ATP7B: variants seen among roughly 807,000 people sequenced by gnomAD.
The protein encoded by ATP7B is copper-transporting ATPase 2.
Under a neutral mutation model 118.9 loss-of-function variants are expected in ATP7B, and 113 were observed. That is an observed-to-expected ratio of 0.95 (90% confidence interval 0.82 to 1.11). The LOEUF (loss-of-function observed/expected upper bound fraction) is 1.11, where lower values mean the gene tolerates loss of function less well. Ranked by LOEUF, ATP7B falls within the 50% of genes most tolerant of loss-of-function variation. The probability of loss-of-function intolerance (pLI) is 0.00; values close to 1 mark genes in which losing one functional copy is unlikely to be tolerated. For missense variants in ATP7B, 1,867 were observed against 1,871.4 expected, an observed-to-expected ratio of 1.00 and a Z score of 0.04; for synonymous variants, 777 against 727.4, an observed-to-expected ratio of 1.07 and a Z score of -1.10.
intron 13 of ATP7B, 106 bp from the exon 14 acceptor site, chr13:51,944,397 A>C: frequency 1.5e-6 from 2 of 1,362,460 alleles, no homozygotes; most frequent in South Asian, 2.4e-5. Flanking sequence ...ACAGGAAACA[A>C]GACACCTGCA....
intron 9 of ATP7B, among the ~76,000 whole-genome samples, chr13:51,951,822 G>A: frequency 6.6e-6 from 1 of 152,138 alleles, no homozygotes; most frequent in Admixed American, 6.5e-5. Context: ...CAGTGACTGT[G>A]AGTTACACAT....
intron 1 of ATP7B, among the ~76,000 whole-genome samples, chr13:52,004,601 CTTA>C (rs757754782): frequency 6.6e-6 from 1 of 152,144 alleles, no homozygotes; most frequent in Non-Finnish European, 1.5e-5. Context: ...TTTTTTATTC[CTTA>C]TTTTTATTTT....
In ATP7B at chr13:51,935,523, T is replaced by C. The variant is rs1956906128; in HGVS notation, c.4124+70A>G. 3.4e-6 allele frequency: 5 copies of C among 1,470,024 alleles called. No homozygotes were observed. In the South Asian group the frequency reaches 4.8e-5, roughly 14 times the overall value. 91.1% of individuals were successfully genotyped at this position (1,470,024 alleles called of 1,614,324 possible). A position where few individuals can be genotyped will look rare whatever the true frequency, so the allele number is the denominator to read the frequency against. On this transcript the variant is annotated intron_variant, in intron 20 of 20. Transcript: ENST00000242839. Reference sequence around the variant, plus strand: ...ATGGGAAATGAGAGGCAAGTTCCACTGTGCTAAGCATGCAGAATGACAAGG... The same window carrying C: ...ATGGGAAATGAGAGGCAAGTTCCACCGTGCTAAGCATGCAGAATGACAAGG...
At chr13:51,949,942 C>T in intron 11 of ATP7B, 65 bp downstream of exon 11, 1 of 1,613,130 alleles carries the variant, frequency 6.2e-7, no homozygotes, top group Non-Finnish European at 8.5e-7. Context: ...TCTGATTTCC[C>T]AGAACTCTTC....
At chr13:51,960,367 T>C in intron 6 of ATP7B, 45 bp from the exon 7 acceptor site, 1 of 1,594,190 alleles carries the variant, frequency 6.3e-7, no homozygotes, top group South Asian at 1.1e-5. Context: ...ATGCTGCTTG[T>C]CACCTGGATT....
At chr13:51,979,455 A>G (rs1338384105) in intron 1 of ATP7B, among the ~76,000 whole-genome samples, 2 of 152,232 alleles carry the variant, frequency 1.3e-5, no homozygotes, top group Non-Finnish European at 2.9e-5. Flanking sequence ...TAACTGTACA[A>G]TACACACATT....
At position 51,960,184 on chromosome 13, in the gene ATP7B, T is replaced by C; in HGVS notation, c.2085A>G (p.Leu695=). The change falls in exon 7 of 21, where the codon CTA becomes CTG. Residue 695 remains leucine (L), a synonymous_variant. Coordinates refer to ENST00000242839, the MANE Select transcript of ATP7B (RefSeq NM_000053.4). ...DHNIIPGLSI[L]NLIFFILCTF... ...TACACAAGATAAAGAAGATGAGATTTAGAATGGACAGTCCTGGAATGATGT... is the reference window on the plus strand; with the variant it reads ...TACACAAGATAAAGAAGATGAGATTCAGAATGGACAGTCCTGGAATGATGT... The C allele has an allele frequency of 6.2e-7, 1 of 1,613,990 alleles. No individual in the cohort carries two copies. The highest frequency in any genetic ancestry group is 8.5e-7 in the Non-Finnish European group (1 of 1,179,858).
intron 1 of ATP7B, among the ~76,000 whole-genome samples, chr13:52,008,963 C>T (rs1953901100): frequency 6.6e-6 from 1 of 152,162 alleles, no homozygotes; most frequent in Non-Finnish European, 1.5e-5. Context: ...TAGCCTCAAA[C>T]TCCTGGGCTC....
chr13:51,956,007 A>C (rs1247252754), intron 9 of ATP7B, among the ~76,000 whole-genome samples: 1 of 152,182 alleles, frequency 6.6e-6, no homozygotes, highest in Non-Finnish European at 1.5e-5. Flanking sequence ...TTTCCTGAGG[A>C]AAGCTGGGAT....
chr13:51,960,600 G>A (rs574745606), intron 6 of ATP7B, among the ~76,000 whole-genome samples: 1 of 152,294 alleles, frequency 6.6e-6, no homozygotes. Context: ...TACGGGTGAG[G>A]CAAGTGAGGC....
In ATP7B at chr13:51,974,052, T is replaced by C. The variant is rs770903362; in HGVS notation, c.1168A>G (p.Ile390Val). The C allele has an allele frequency of 1.4e-5, 23 of 1,614,072 alleles. No homozygotes were observed. Among genetic ancestry groups the C allele is most frequent in the East Asian group, 6.7e-5 (3 of 44,886 alleles). The change falls in exon 2 of 21, where the codon ATA becomes GTA. Residue 390 changes from isoleucine to valine, a missense_variant. Transcript: ENST00000242839. Reference sequence around the variant, plus strand: ...GTCCCTTCGGCCAAAGACACCGATATTTGCTGCACCCCTTCCAGTTGGGAG... The same window carrying C: ...GTCCCTTCGGCCAAAGACACCGATACTTGCTGCACCCCTTCCAGTTGGGAG... ...MISQLEGVQQ[I>V]SVSLAEGTAT...
chr13:52,011,539 C>A (rs373464885), upstream of ATP7B: 1 of 672,894 alleles, frequency 1.5e-6, no homozygotes, highest in South Asian at 1.7e-5. Flanking sequence ...CCTCTTCACA[C>A]GGATGATTCA....
chr13:51,991,197 C>T (rs1016671454), intron 1 of ATP7B, among the ~76,000 whole-genome samples: 4 of 152,138 alleles, frequency 2.6e-5, no homozygotes, highest in African/African-American at 9.7e-5. Flanking sequence ...TTATAGTCAC[C>T]ATCAGTTCAA....
At chr13:51,983,876 A>G (rs1449710886) in intron 1 of ATP7B, among the ~76,000 whole-genome samples, 1 of 152,152 alleles carries the variant, frequency 6.6e-6, no homozygotes, top group Non-Finnish European at 1.5e-5. Flanking sequence ...TATCAACAAA[A>G]AGGACGTCCA....
upstream of ATP7B, among the ~76,000 whole-genome samples, chr13:52,011,739 G>A (rs931047536): frequency 1.2e-4 from 19 of 152,254 alleles, no homozygotes; most frequent in Admixed American, 3.3e-4. Context: ...CGGCGCCGCA[G>A]GGCGGAGGCC....
Position 51,974,793 on chromosome 13 carries a change from C to A in ATP7B, c.427G>T (p.Ala143Ser), listed in dbSNP as rs1356150929. 1 of 1,614,114 alleles carries A rather than the reference C, an allele frequency of 6.2e-7. No homozygotes were observed. The highest frequency in any genetic ancestry group is 1.3e-5 in the African/African-American group (1 of 74,934). Reference protein sequence around the residue: ...WPSRSLPAQEAVVKLRVEGMT... With the variant: ...WPSRSLPAQESVVKLRVEGMT... ...CCCTCCACCCGGAGCTTGACCACAG[C>A]CTCCTGGGCAGGCAAGGACCTTGAG... Residue 143 changes from alanine (A) to serine (S), a missense_variant, in exon 2 of 21, where the codon GCT becomes TCT. Ala to Ser is a moderately conservative substitution (Grantham distance 99). Transcript: ENST00000242839.
Position 51,953,851 on chromosome 13 carries a change from T to TAAAA in ATP7B, c.2448-3456_2448-3453dup, listed in dbSNP as rs561139788. 1.0e-3 allele frequency among the ~76,000 whole-genome samples: 99 copies of TAAAA among 94,372 alleles called. 5 individuals are homozygous for TAAAA. The highest frequency in any genetic ancestry group is 4.4e-3 in the South Asian group (12 of 2,700). 61.9% of individuals were successfully genotyped at this position (94,372 alleles called of 152,430 possible). A position where few individuals can be genotyped will look rare whatever the true frequency, so the allele number is the denominator to read the frequency against. On this transcript the variant is annotated intron_variant, in intron 9 of 20. Transcript: ENST00000242839. ...TTGTAATTTGTTTCCCCATCAATTG[T>TAAAA]AAAAAAAAAAAAAAAAACCAGAAAA... is the stretch of plus-strand genomic sequence containing the variant.
In ATP7B at chr13:51,934,158, C is replaced by T. The variant is rs1171023965; in HGVS notation, c.*598G>A. On this transcript the variant is annotated 3_prime_UTR_variant, in exon 21 of 21. Transcript: ENST00000242839. ...AGAGCAGCAGCAAAGACCACAAGGA[C>T]ATTGGTCCCACCCTCCCAGGTGACA... The T allele has an allele frequency of 5.6e-6, 1 of 178,736 alleles. No individual in the cohort carries two copies. Among genetic ancestry groups the T allele is most frequent in the Admixed American group, 5.4e-5 (1 of 18,644 alleles). The allele number at this position is 178,736 out of a possible 1,614,324, so 11.1% of individuals were successfully genotyped here.
chr13:51,968,015 C>A (rs1410531303), intron 4 of ATP7B, among the ~76,000 whole-genome samples: 1 of 152,174 alleles, frequency 6.6e-6, no homozygotes, highest in Non-Finnish European at 1.5e-5. Context: ...AAGCCCTTTT[C>A]TCTTAGAATG....
Sources: gnomAD v4.1 joint callset for allele counts (sites outside exome capture counted in the v4.1 genomes callset) on GRCh38, gnomAD v4.1.1 for gene constraint, MANE v1.5 for transcripts, NCBI Gene and HGNC (gene_info 2026-07-23, HGNC 2026-07-21) for gene names.